CA8: variants seen among roughly 807,000 people sequenced by gnomAD.
CA8 encodes carbonic anhydrase-related protein.
A neutral mutation model predicts 41.4 loss-of-function variants in CA8; 22 were observed. The observed-to-expected ratio is 0.53, with a 90% CI of 0.38 to 0.76. CA8 has a LOEUF of 0.76. Among genes scored for constraint, CA8 ranks in the 30% least tolerant of loss-of-function variants. CA8 has a pLI of 0.00. For synonymous variants in CA8, 121 were observed against 130.6 expected (o/e 0.93, Z 0.50); for missense variants, 270 against 352.8 (o/e 0.77, Z 1.88).
intron 2 of CA8, among the ~76,000 whole-genome samples, chr8:60,278,226 T>C (rs192777138): frequency 1.3e-5 from 2 of 152,326 alleles, no homozygotes; most frequent in Non-Finnish European, 2.9e-5. Flanking sequence ...GTGGAGTATA[T>C]GTGCTTAGTC....
intron 7 of CA8, among the ~76,000 whole-genome samples, chr8:60,217,445 T>A (rs958223007): frequency 3.3e-5 from 5 of 152,188 alleles, no homozygotes; most frequent in African/African-American, 1.2e-4. Context: ...ATGAGTCTCC[T>A]GACTTTTTCC....
chr8:60,232,282 A>C lies in CA8; in HGVS notation c.513+2T>G, dbSNP rs771677875. ...ATACGATAATCACAGCAGACCGTTTACCTGAACAAACAGAGCAATGATGGC... is the reference window on the plus strand; with the variant it reads ...ATACGATAATCACAGCAGACCGTTTCCCTGAACAAACAGAGCAATGATGGC... On this transcript the variant is annotated splice_donor_variant, in intron 4 of 8. Transcript: ENST00000317995. LOFTEE classifies it high-confidence loss of function. The C allele has an allele frequency of 6.2e-7, 1 of 1,606,884 alleles. No homozygotes were observed. Among genetic ancestry groups the C allele is most frequent in the Non-Finnish European group, 8.5e-7 (1 of 1,173,302 alleles).
chr8:60,246,696 T>C (rs1357070424), intron 3 of CA8, among the ~76,000 whole-genome samples: 4 of 152,284 alleles, frequency 2.6e-5, no homozygotes, highest in Admixed American at 2.0e-4. Flanking sequence ...AGGACTATCT[T>C]TGCTGTACAT....
In CA8 at chr8:60,200,624, T is replaced by C. The variant is rs1041919812; in HGVS notation, c.*35+8126A>G. 2.2e-4 allele frequency among the ~76,000 whole-genome samples: 34 copies of C among 152,232 alleles called. 1 individual carries two copies. Among genetic ancestry groups the C allele is most frequent in the Admixed American group, 2.2e-3 (34 of 15,282 alleles). ...CCTAGCTACATATCAGTAGATCTAA[T>C]GTAGATCAGTTTTCCAGGGCCCATT... is the stretch of plus-strand genomic sequence containing the variant. On this transcript the variant is annotated intron_variant, in intron 8 of 8. Transcript: ENST00000317995.
At position 60,212,709 on chromosome 8, in the gene CA8, C is replaced by T. The variant is rs577804709; in HGVS notation, c.739-3790G>A. 1.7e-4 allele frequency among the ~76,000 whole-genome samples: 26 copies of T among 152,258 alleles called. No homozygotes were observed. In the South Asian group the frequency reaches 4.8e-3, roughly 28 times the overall value. On this transcript the variant is annotated intron_variant, in intron 7 of 8. Coordinates refer to ENST00000317995, the MANE Select transcript of CA8 (RefSeq NM_004056.6). ...CAGTTATGCAAGATAAATAAGTCCT[C>T]GAGGTCTCCTATACAGCACAGTACC...
At chr8:60,223,748 C>T (rs1419593356) in intron 6 of CA8, among the ~76,000 whole-genome samples, 1 of 152,186 alleles carries the variant, frequency 6.6e-6, no homozygotes, top group Non-Finnish European at 1.5e-5. Context: ...AAATGGTTAA[C>T]ATACGATAGA....
At chr8:60,235,744 G>C (rs1482843932) in intron 3 of CA8, among the ~76,000 whole-genome samples, 1 of 152,208 alleles carries the variant, frequency 6.6e-6, no homozygotes, top group Non-Finnish European at 1.5e-5. Context: ...ATGACAAGAG[G>C]TGAAGCTAGA....
intron 2 of CA8, among the ~76,000 whole-genome samples, chr8:60,275,732 C>A (rs1430042311): frequency 6.6e-6 from 1 of 151,914 alleles, no homozygotes; most frequent in Non-Finnish European, 1.5e-5. Flanking sequence ...ACTGGAAAAA[C>A]CTACCAAGTG....
chr8:60,227,428 A>G (rs1387321236), intron 4 of CA8, among the ~76,000 whole-genome samples: 1 of 152,230 alleles, frequency 6.6e-6, no homozygotes, highest in African/African-American at 2.4e-5. Flanking sequence ...CTAGTATAAT[A>G]AAGTATTAGT....
chr8:60,227,007 T>C (rs932917502), intron 4 of CA8, 72 bp from the exon 5 acceptor site: 25 of 1,057,418 alleles, frequency 2.4e-5, no homozygotes, highest in African/African-American at 1.4e-4. Context: ...AAAAAACTAA[T>C]AGGGCTGAGT....
intron 3 of CA8, among the ~76,000 whole-genome samples, chr8:60,236,490 A>C (rs994693626): frequency 6.6e-6 from 1 of 151,496 alleles, no homozygotes; most frequent in African/African-American, 2.4e-5. Context: ...GCAAACAAAC[A>C]AAAAAAAAGT....
chr8:60,276,050 ATG>A (rs1563386996), intron 2 of CA8, among the ~76,000 whole-genome samples: 1 of 152,246 alleles, frequency 6.6e-6, no homozygotes. Context: ...GCATCCAAGC[ATG>A]TAGCCCTCAC....
At chr8:60,245,474 G>A (rs1248013312) in intron 3 of CA8, among the ~76,000 whole-genome samples, 1 of 152,170 alleles carries the variant, frequency 6.6e-6, no homozygotes, top group Non-Finnish European at 1.5e-5. Flanking sequence ...GCTCAAGGGA[G>A]TTGCACAAAG....
chr8:60,222,867 C>A, intron 6 of CA8, 106 bp from the exon 7 acceptor site: 1 of 738,198 alleles, frequency 1.4e-6, no homozygotes, highest in Non-Finnish European at 2.5e-6. Context: ...AATGATGCTT[C>A]TAAGATGGAT....
chr8:60,206,013 C>T (rs1806564381), intron 8 of CA8, among the ~76,000 whole-genome samples: 1 of 152,158 alleles, frequency 6.6e-6, no homozygotes, highest in African/African-American at 2.4e-5. Context: ...AAAAAGTACA[C>T]ACACATAAGT....
intron 2 of CA8, among the ~76,000 whole-genome samples, chr8:60,266,653 T>C (rs1803909631): frequency 6.6e-6 from 1 of 152,214 alleles, no homozygotes; most frequent in Non-Finnish European, 1.5e-5. Flanking sequence ...CCTCAAAATA[T>C]TAACATCAGT....
At chr8:60,264,596 C>G (rs902244696) in intron 3 of CA8, among the ~76,000 whole-genome samples, 2 of 152,210 alleles carry the variant, frequency 1.3e-5, no homozygotes, top group Non-Finnish European at 2.9e-5. Context: ...TCTATAGGCA[C>G]TGAGCAAACA....
At position 60,226,877 on chromosome 8, in the gene CA8, T is replaced by C; in HGVS notation, c.572A>G (p.Tyr191Cys). Residue 191 changes from tyrosine to cysteine, a missense_variant, in exon 5 of 9, where the codon TAT (tyrosine) becomes TGT (cysteine). Transcript: ENST00000317995. ...AVTEILQDIQ[Y>C]KGKSKTIPCF... Reference sequence around the variant, plus strand: ...TTATTTTAAATAATGACTTACCTTATACTGAATATCTTGGAGGATTTCAGT... The same window carrying C: ...TTATTTTAAATAATGACTTACCTTACACTGAATATCTTGGAGGATTTCAGT... 1 of 1,570,866 alleles carries C rather than the reference T, an allele frequency of 6.4e-7. No individual in the cohort carries two copies. The highest frequency in any genetic ancestry group is 8.8e-7 in the Non-Finnish European group (1 of 1,140,716).
chr8:60,247,212 G>C (rs929708848), intron 3 of CA8, among the ~76,000 whole-genome samples: 3 of 152,010 alleles, frequency 2.0e-5, no homozygotes, highest in Admixed American at 6.6e-5. Flanking sequence ...ACCACTTCAT[G>C]GCATATTTTC....
Sources: gnomAD v4.1 joint callset for allele counts (sites outside exome capture counted in the v4.1 genomes callset) on GRCh38, gnomAD v4.1.1 for gene constraint, MANE v1.5 for transcripts, NCBI Gene and HGNC (gene_info 2026-07-23, HGNC 2026-07-21) for gene names.